Variants in PACRG observed in about 807,000 individuals in gnomAD.
PACRG encodes parkin coregulated.
In PACRG, 29 loss-of-function variants were observed where a neutral mutation model predicts 29.7. The ratio of observed to expected loss-of-function variants is 0.98; its 90% confidence interval spans 0.73 to 1.33. The LOEUF (loss-of-function observed/expected upper bound fraction) is 1.33. Among genes scored for constraint, PACRG ranks in the 40% most tolerant of loss-of-function variants. The probability of loss-of-function intolerance (pLI) is 0.00; values close to 1 mark genes in which losing one functional copy is unlikely to be tolerated. For missense variants in PACRG, 279 were observed against 316.2 expected (o/e 0.88, Z 0.89); for synonymous variants, 116 against 118.7 (o/e 0.98, Z 0.15).
chr6:162,804,462 G>C (rs1341774387), intron 1 of PACRG, among the ~76,000 whole-genome samples: 1 of 152,110 alleles, frequency 6.6e-6, no homozygotes, highest in Non-Finnish European at 1.5e-5. Flanking sequence ...TTTCCAGCCG[G>C]TTATTTTCTC....
At chr6:163,192,212 A>C (rs1435616165) in intron 4 of PACRG, among the ~76,000 whole-genome samples, 2 of 152,256 alleles carry the variant, frequency 1.3e-5, no homozygotes, top group Admixed American at 1.3e-4. Context: ...TGAAATGCAC[A>C]GTGGAAAAGA....
intron 2 of PACRG, among the ~76,000 whole-genome samples, chr6:162,932,849 T>C (rs1562748710): frequency 6.6e-6 from 1 of 151,998 alleles, no homozygotes. Context: ...ATTTCTAAAA[T>C]ATTTTTGTCT....
At position 162,838,826 on chromosome 6, in the gene PACRG, AG is replaced by A. The variant is rs1303346272; in HGVS notation, c.291+24546del. Among the ~76,000 whole-genome samples the A allele has an allele frequency of 2.2e-4, 31 of 143,848 alleles. No homozygotes were observed. The Admixed American group carries it at 2.2e-3, about 10-fold the overall frequency. 94.4% of individuals were successfully genotyped at this position (143,848 alleles called of 152,430 possible). On this transcript the variant is annotated intron_variant, in intron 2 of 4. Transcript: ENST00000366888. ...TCTCATTGTTCAATTCCCACCTATG[AG>A]TGAGAATATGTGGTGTTTGGTTTTT...
intron 1 of PACRG, among the ~76,000 whole-genome samples, chr6:162,795,801 C>G (rs1183949006): frequency 2.0e-5 from 3 of 152,088 alleles, no homozygotes; most frequent in Non-Finnish European, 4.4e-5. Flanking sequence ...TCAAATAGAT[C>G]TTGTACATTT....
At chr6:163,214,227 A>T (rs986550860) in intron 4 of PACRG, among the ~76,000 whole-genome samples, 2 of 152,096 alleles carry the variant, frequency 1.3e-5, no homozygotes, top group Non-Finnish European at 2.9e-5. Flanking sequence ...TATTTTATAA[A>T]TTTCTAATTA....
chr6:162,836,517 C>A (rs1368087156), intron 2 of PACRG, among the ~76,000 whole-genome samples: 2 of 152,158 alleles, frequency 1.3e-5, no homozygotes, highest in African/African-American at 4.8e-5. Context: ...CAGGTTTCCA[C>A]CACTTTTACA....
chr6:162,744,642 G>A lies in PACRG; in HGVS notation c.156+16251G>A, dbSNP rs553243324. On this transcript the variant is annotated intron_variant, in intron 1 of 4. Coordinates refer to ENST00000366888, the MANE Select transcript of PACRG (RefSeq NM_001080379.2). ...ATAAGTTGTGTATAGTAAGAATTTG[G>A]TCAGTCTTAGGCATATTTGAAATAG... Among the ~76,000 whole-genome samples, 9 of 152,086 alleles carry A rather than the reference G, an allele frequency of 5.9e-5. No homozygotes were observed. In the South Asian group the frequency reaches 1.7e-3, roughly 28 times the overall value.
In PACRG at chr6:163,018,129, C is replaced by T. The variant is rs530829888; in HGVS notation, c.292-44021C>T. 2.6e-3 allele frequency among the ~76,000 whole-genome samples: 401 copies of T among 152,214 alleles called. 1 individual carries two copies. Among genetic ancestry groups the T allele is most frequent in the Non-Finnish European group, 4.5e-3 (308 of 67,976 alleles). ...CTAAATGTTCCCCCTTCCCTCCTTCCACTACATCTGATTTGGAGTAATATT... is the reference window on the plus strand; with the variant it reads ...CTAAATGTTCCCCCTTCCCTCCTTCTACTACATCTGATTTGGAGTAATATT... On this transcript the variant is annotated intron_variant, in intron 2 of 4. Transcript: ENST00000366888.
intron 4 of PACRG, among the ~76,000 whole-genome samples, chr6:163,194,393 T>C (rs1417174047): frequency 6.6e-6 from 1 of 151,828 alleles, no homozygotes; most frequent in Non-Finnish European, 1.5e-5. Context: ...TGTCTCCCTG[T>C]CACCCTCCTT....
intron 4 of PACRG, among the ~76,000 whole-genome samples, chr6:163,143,424 C>T (rs932778049): frequency 2.0e-5 from 3 of 152,042 alleles, no homozygotes; most frequent in Admixed American, 6.5e-5. Context: ...AATATGTATG[C>T]GATGTCTTAT....
intron 1 of PACRG, among the ~76,000 whole-genome samples, chr6:162,793,103 T>C (rs943275189): frequency 6.6e-6 from 1 of 152,184 alleles, no homozygotes; most frequent in African/African-American, 2.4e-5. Context: ...TTTCCACTGG[T>C]AAATTTGTAG....
At chr6:163,036,582 C>T (rs959213927) in intron 2 of PACRG, among the ~76,000 whole-genome samples, 6 of 152,132 alleles carry the variant, frequency 3.9e-5, no homozygotes, top group African/African-American at 7.2e-5. Context: ...TGCCTTTGGG[C>T]GAGTCATTTT....
chr6:163,046,472 A>G (rs2128242415), intron 2 of PACRG: 1 of 151,846 alleles, frequency 6.6e-6, no homozygotes, highest in South Asian at 2.1e-4. Flanking sequence ...CCTTATAATA[A>G]CCCCAGGAAT....
At chr6:163,142,261 A>G (rs1175380211) in intron 4 of PACRG, among the ~76,000 whole-genome samples, 3 of 152,228 alleles carry the variant, frequency 2.0e-5, no homozygotes, top group African/African-American at 4.8e-5. Context: ...GATCTGCAAA[A>G]CAAAACCAGG....
At position 162,994,857 on chromosome 6, in the gene PACRG, C is replaced by T. The variant is rs561150386; in HGVS notation, c.292-67293C>T. Among the ~76,000 whole-genome samples the T allele has an allele frequency of 8.7e-5, 13 of 150,252 alleles. No individual in the cohort carries two copies. In the South Asian group the frequency reaches 2.5e-3, roughly 29 times the overall value. On this transcript the variant is annotated intron_variant, in intron 2 of 4. Transcript: ENST00000366888. ...TCCCGTTTTTCTGTTCTGTTTTTTC[C>T]CCATCTTTGTGGTTTTATCTACTTT...
At chr6:163,197,022 T>C (rs5002609) in intron 4 of PACRG, among the ~76,000 whole-genome samples, 1 of 151,756 alleles carries the variant, frequency 6.6e-6, no homozygotes, top group Non-Finnish European at 1.5e-5. Context: ...TATAAATAAA[T>C]ATATGAAGGA....
intron 4 of PACRG, among the ~76,000 whole-genome samples, chr6:163,304,218 C>T (rs1785112480): frequency 1.3e-5 from 2 of 152,074 alleles, no homozygotes; most frequent in South Asian, 4.1e-4. Context: ...CGAACATTTC[C>T]AAATTCATGT....
chr6:163,233,918 C>G (rs1782137686), intron 4 of PACRG, among the ~76,000 whole-genome samples: 1 of 152,134 alleles, frequency 6.6e-6, no homozygotes, highest in African/African-American at 2.4e-5. Flanking sequence ...GAGAGACATT[C>G]AAATAGAAAT....
chr6:163,069,797 T>C (rs1022051405), intron 3 of PACRG, among the ~76,000 whole-genome samples: 4 of 151,952 alleles, frequency 2.6e-5, no homozygotes, highest in African/African-American at 7.3e-5. Flanking sequence ...AATATTAATA[T>C]CTAAGTACAA....
Sources: gnomAD v4.1 joint callset for allele counts (sites outside exome capture counted in the v4.1 genomes callset) on GRCh38, gnomAD v4.1.1 for gene constraint, MANE v1.5 for transcripts, NCBI Gene and HGNC (gene_info 2026-07-23, HGNC 2026-07-21) for gene names.